The following MED13L variants were observed in gnomAD, a reference collection of about 807,000 sequenced individuals.
MED13L encodes mediator of RNA polymerase II transcription subunit 13-like.
In MED13L, 7 loss-of-function variants were observed where a neutral mutation model predicts 220.9. The observed-to-expected ratio is 0.03, with a 90% CI of 0.02 to 0.06. The LOEUF (loss-of-function observed/expected upper bound fraction) is 0.06. Among genes scored for constraint, MED13L ranks in the 10% least tolerant of loss-of-function variants. The pLI is 1.00. For missense variants in MED13L, 1,965 were observed against 2,760.5 expected (o/e 0.71, Z 6.46); for synonymous variants, 1,011 against 1,015.2 (o/e 1.00, Z 0.08).
At position 116,022,568 on chromosome 12, in the gene MED13L, C is replaced by A; in HGVS notation, c.513G>T (p.Leu171=). 2 of 1,612,822 alleles carry A rather than the reference C, an allele frequency of 1.2e-6. No individual in the cohort carries two copies. The highest frequency in any genetic ancestry group is 2.2e-5 in the South Asian group (2 of 90,850). Residue 171 remains leucine (L), a synonymous_variant, in exon 5 of 31, where the codon CTG becomes CTT. Coordinates refer to ENST00000281928, the MANE Select transcript of MED13L (RefSeq NM_015335.5). ...EHLSCAFTFF[L]HGESNVCTSV... The stretch of plus-strand genomic sequence containing the variant: ...TTGTGCATACATTACTTTCTCCATG[C>A]AGAAAGAATGTGAAAGCACAGGACA...
chr12:116,147,600 G>A (rs900602296), intron 2 of MED13L, among the ~76,000 whole-genome samples: 2 of 151,900 alleles, frequency 1.3e-5, no homozygotes, highest in Admixed American at 6.6e-5. Context: ...AGGTCATCTT[G>A]TATTAACGAC....
intron 2 of MED13L, among the ~76,000 whole-genome samples, chr12:116,165,587 C>T (rs1451379934): frequency 6.6e-6 from 1 of 152,022 alleles, no homozygotes; most frequent in Non-Finnish European, 1.5e-5. Context: ...GCCTCAGCCT[C>T]CCAAAGTGCT....
chr12:116,055,060 T>C (rs1006835532), intron 4 of MED13L, among the ~76,000 whole-genome samples: 6 of 152,154 alleles, frequency 3.9e-5, no homozygotes, highest in Non-Finnish European at 8.8e-5. Context: ...AGAAATAAGA[T>C]ACAAAACTCA....
intron 2 of MED13L, among the ~76,000 whole-genome samples, chr12:116,188,608 C>T (rs1233832061): frequency 1.3e-5 from 2 of 152,132 alleles, no homozygotes; most frequent in Non-Finnish European, 2.9e-5. Context: ...TTTCCCAATG[C>T]TAACTCTTCC....
intron 4 of MED13L, among the ~76,000 whole-genome samples, chr12:116,060,625 C>T (rs928979270): frequency 2.0e-5 from 3 of 148,464 alleles, no homozygotes; most frequent in African/African-American, 7.4e-5. Context: ...AATATAAAGA[C>T]AATGATTCTG....
In MED13L at chr12:116,017,842, C is replaced by A. The variant is rs948476744; in HGVS notation, c.1009+1382G>T. Among the ~76,000 whole-genome samples, 6 of 152,102 alleles carry A rather than the reference C, an allele frequency of 3.9e-5. 1 individual carries two copies. The highest frequency in any genetic ancestry group is 1.4e-4 in the African/African-American group (6 of 41,432). ...TGTTGCCCAGGATGGTCTGAAACTCCTGAGCTCAAGCGATCCACCTGCCAT... is the reference window on the plus strand; with the variant it reads ...TGTTGCCCAGGATGGTCTGAAACTCATGAGCTCAAGCGATCCACCTGCCAT... On this transcript the variant is annotated intron_variant, in intron 7 of 30. Coordinates refer to ENST00000281928, the MANE Select transcript of MED13L (RefSeq NM_015335.5).
intron 4 of MED13L, among the ~76,000 whole-genome samples, chr12:116,071,915 G>A (rs1870402147): frequency 6.6e-6 from 1 of 152,130 alleles, no homozygotes; most frequent in Non-Finnish European, 1.5e-5. Context: ...ATACTACCCT[G>A]GTATAAGTAA....
At chr12:116,221,980 A>G (rs1383902552) in intron 2 of MED13L, among the ~76,000 whole-genome samples, 1 of 152,214 alleles carries the variant, frequency 6.6e-6, no homozygotes, top group African/African-American at 2.4e-5. Flanking sequence ...TCCAATGCCC[A>G]TATATAATTT....
chr12:116,202,093 G>A lies in MED13L; in HGVS notation c.310+35375C>T, dbSNP rs186207085. Among the ~76,000 whole-genome samples, 66 of 152,270 alleles carry A rather than the reference G, an allele frequency of 4.3e-4. 1 individual carries two copies. Among genetic ancestry groups the A allele is most frequent in the African/African-American group, 1.3e-3 (55 of 41,558 alleles). ...AATATAGCCATCTGATGAGTTCAGC[G>A]TCAATGGAATGAGCCAAATCCACAC... On this transcript the variant is annotated intron_variant, in intron 2 of 30. Transcript: ENST00000281928.
intron 12 of MED13L, 109 bp downstream of exon 12, chr12:116,006,197 T>G: frequency 2.4e-6 from 3 of 1,228,640 alleles, no homozygotes; most frequent in Non-Finnish European, 3.5e-6. Context: ...ATATTAAAGA[T>G]GAGATGAAAT....
chr12:116,220,389 A>T (rs1883240585), intron 2 of MED13L, among the ~76,000 whole-genome samples: 1 of 152,068 alleles, frequency 6.6e-6, no homozygotes, highest in Non-Finnish European at 1.5e-5. Flanking sequence ...ATCAAAATAC[A>T]CGCGCTGGAT....
chr12:116,003,151 G>A, intron 13 of MED13L, 49 bp from the exon 14 acceptor site: 1 of 1,518,206 alleles, frequency 6.6e-7, no homozygotes, highest in Non-Finnish European at 9.1e-7. Context: ...ATATAAGTAG[G>A]GCAGCATTCA....
intron 4 of MED13L, among the ~76,000 whole-genome samples, chr12:116,085,020 AAC>A (rs1871527276): frequency 6.6e-6 from 1 of 152,200 alleles, no homozygotes; most frequent in South Asian, 2.1e-4. Flanking sequence ...CATTCTCAAT[AAC>A]AGTTAACACT....
At chr12:115,962,251 C>T (rs1469191297) in intron 30 of MED13L, among the ~76,000 whole-genome samples, 1 of 152,170 alleles carries the variant, frequency 6.6e-6, no homozygotes, top group Non-Finnish European at 1.5e-5. Context: ...AATTTTTCCA[C>T]GTGGTGGGGG....
intron 4 of MED13L, among the ~76,000 whole-genome samples, chr12:116,093,065 A>G (rs1019227591): frequency 2.0e-5 from 3 of 152,224 alleles, no homozygotes; most frequent in Non-Finnish European, 4.4e-5. Flanking sequence ...CTCCTGTAAT[A>G]AAATGTGGAT....
chr12:116,175,503 G>A (rs897847409), intron 2 of MED13L, among the ~76,000 whole-genome samples: 5 of 152,188 alleles, frequency 3.3e-5, no homozygotes, highest in Non-Finnish European at 5.9e-5. Flanking sequence ...ACGGCATGCT[G>A]AGAAGTTTCT....
At chr12:116,261,686 G>T (rs2138559320) in intron 1 of MED13L, among the ~76,000 whole-genome samples, 1 of 152,188 alleles carries the variant, frequency 6.6e-6, no homozygotes, top group Non-Finnish European at 1.5e-5. Flanking sequence ...AACAACTTCA[G>T]CAGATAGATA....
chr12:116,102,906 C>T lies in MED13L; in HGVS notation c.396-6154G>A, dbSNP rs1200811201. Among the ~76,000 whole-genome samples the T allele has an allele frequency of 3.3e-5, 5 of 151,450 alleles. No homozygotes were observed. In the East Asian group the frequency reaches 5.8e-4, roughly 18 times the overall value. On this transcript the variant is annotated intron_variant, in intron 3 of 30. Transcript: ENST00000281928. ...CTAATTTTTGTATTTTTAGTAGAGA[C>T]GGGGTTTCACCATGTTGGTCAGGCT...
intron 2 of MED13L, among the ~76,000 whole-genome samples, chr12:116,232,490 G>C (rs754117869): frequency 6.6e-6 from 1 of 152,096 alleles, no homozygotes; most frequent in Non-Finnish European, 1.5e-5. Context: ...CAATATCCTC[G>C]CATTATCAAA....
Sources: gnomAD v4.1 joint callset for allele counts (sites outside exome capture counted in the v4.1 genomes callset) on GRCh38, gnomAD v4.1.1 for gene constraint, MANE v1.5 for transcripts, NCBI Gene and HGNC (gene_info 2026-07-23, HGNC 2026-07-21) for gene names.